STPG2: variants seen among roughly 807,000 people sequenced by gnomAD.
STPG2 encodes sperm-tail PG-rich repeat-containing protein 2.
A neutral mutation model predicts 54.2 loss-of-function variants in STPG2; 56 were observed. That is an observed-to-expected ratio of 1.03 (90% CI 0.83 to 1.29). STPG2 has a LOEUF of 1.29. STPG2 is among the 50% of genes most tolerant of loss of function. The probability of loss-of-function intolerance (pLI) is 0.00; values close to 1 mark genes in which losing one functional copy is unlikely to be tolerated. For synonymous variants in STPG2, 200 were observed against 181.8 expected, an observed-to-expected ratio of 1.10 and a Z score of -0.81; for missense variants, 596 against 544.9, an observed-to-expected ratio of 1.09 and a Z score of -0.93.
chr4:97,561,460 CAT>C (rs1732240050), intron 10 of STPG2, among the ~76,000 whole-genome samples: 1 of 152,162 alleles, frequency 6.6e-6, no homozygotes, highest in Non-Finnish European at 1.5e-5. Flanking sequence ...AATTAGATCT[CAT>C]ATGACAATTT....
intron 9 of STPG2, among the ~76,000 whole-genome samples, chr4:97,748,185 C>T (rs552547904): frequency 4.0e-5 from 6 of 151,394 alleles, no homozygotes; most frequent in African/African-American, 1.4e-4. Context: ...ATTCTTATTG[C>T]GGAATCATGT....
At position 98,076,194 on chromosome 4, in the gene STPG2, A is replaced by C. The variant is rs372652872; in HGVS notation, c.612+29759T>G. Among the ~76,000 whole-genome samples, 896 of 152,188 alleles carry C rather than the reference A, an allele frequency of 5.9e-3. 6 individuals carry two copies. The highest frequency in any genetic ancestry group is 0.02 in the Middle Eastern group (6 of 294). ...GGGAGGCGGAGCTTGCAATGAGCCA[A>C]GATCATGCCACTGCACTCCAGCCTG... On this transcript the variant is annotated intron_variant, in intron 5 of 10. Transcript: ENST00000295268.
chr4:98,040,555 C>CTAAGGA (rs1736918048), intron 5 of STPG2, among the ~76,000 whole-genome samples: 3 of 151,774 alleles, frequency 2.0e-5, no homozygotes. Context: ...ATTTTCCCGG[C>CTAAGGA]ACCATTTATT....
At position 97,712,760 on chromosome 4, in the gene STPG2, A is replaced by C. The variant is rs17026871; in HGVS notation, c.1259T>G (p.Val420Gly). ...CTCTTCAAAGCGCTTTGATGCTTTC[A>C]CAAATAAGGGTATGGGGCAAGATTT... ...LRKSCPIPLF[V>G]KASKRFEESK... Residue 420 changes from valine (V) to glycine (G), a missense_variant, in exon 10 of 11, where the codon GTG (valine) becomes GGG (glycine). Physicochemically the swap from Val to Gly is moderately radical, Grantham distance 109 (BLOSUM62 -3). Transcript: ENST00000295268. The C allele has an allele frequency of 6.2e-7, 1 of 1,609,260 alleles. No individual in the cohort carries two copies. Among genetic ancestry groups the C allele is most frequent in the African/African-American group, 1.3e-5 (1 of 74,726 alleles).
intron 5 of STPG2, among the ~76,000 whole-genome samples, chr4:98,084,021 TTTG>T (rs1738433205): frequency 1.3e-5 from 2 of 151,992 alleles, no homozygotes; most frequent in East Asian, 1.9e-4. Context: ...ACCCAGCTGT[TTTG>T]TTGTTGTTGT....
intron 9 of STPG2, among the ~76,000 whole-genome samples, chr4:97,785,389 G>A (rs1275364643): frequency 1.3e-5 from 2 of 151,960 alleles, no homozygotes; most frequent in Non-Finnish European, 2.9e-5. Context: ...CCTTTACAGT[G>A]TCGTACCACT....
chr4:97,945,977 G>C (rs1369865894), intron 7 of STPG2, among the ~76,000 whole-genome samples: 3 of 151,960 alleles, frequency 2.0e-5, no homozygotes, highest in Non-Finnish European at 2.9e-5. Flanking sequence ...GAGGATCCCT[G>C]GAGCCTGGGA....
rs561205550 is a variant in STPG2 at position 98,007,375 on chromosome 4, G to A, written c.613-26057C>T. On this transcript the variant is annotated intron_variant, in intron 5 of 10. Transcript: ENST00000295268. ...TCTACCTATAATCAAAAAATTCATA[G>A]ATTCTTCACCACCAAACATACCCAG... Among the ~76,000 whole-genome samples, 7 of 152,162 alleles carry A rather than the reference G, an allele frequency of 4.6e-5. No individual in the cohort carries two copies. The East Asian group carries it at 1.4e-3, about 29-fold the overall frequency.
At chr4:97,734,709 T>C (rs911981862) in intron 9 of STPG2, among the ~76,000 whole-genome samples, 3 of 152,304 alleles carry the variant, frequency 2.0e-5, no homozygotes, top group South Asian at 2.1e-4. Flanking sequence ...GCAATGATTT[T>C]TTTGGCTAGT....
intron 4 of STPG2, among the ~76,000 whole-genome samples, chr4:97,488,436 T>C (rs1730423952): frequency 6.6e-6 from 1 of 151,724 alleles, no homozygotes; most frequent in Non-Finnish European, 1.5e-5. Flanking sequence ...TTTATTTACA[T>C]GCAATCTGTC....
chr4:97,576,893 T>C (rs1732737377), intron 10 of STPG2, among the ~76,000 whole-genome samples: 1 of 151,878 alleles, frequency 6.6e-6, no homozygotes. Flanking sequence ...ACTTAAACAA[T>C]TGAACAAGTA....
Position 97,962,360 on chromosome 4 carries a change from T to TA in STPG2, c.933+9919dup, listed in dbSNP as rs551598432. 1.3e-3 allele frequency among the ~76,000 whole-genome samples: 194 copies of TA among 151,608 alleles called. 3 individuals are homozygous for TA. The highest frequency in any genetic ancestry group is 4.1e-3 in the Admixed American group (62 of 15,222). ...TAGTCCCCAATAGCCTGTGGAAATT[T>TA]AAAAAAAAATTAAGTGGCAAAACAA... On this transcript the variant is annotated intron_variant, in intron 7 of 10. Transcript: ENST00000295268.
chr4:97,451,787 T>C (rs568613710), intron 4 of STPG2, among the ~76,000 whole-genome samples: 2 of 152,322 alleles, frequency 1.3e-5, no homozygotes, highest in South Asian at 4.1e-4. Flanking sequence ...TGTTTTTCTC[T>C]ATTACTGCCA....
intron 7 of STPG2, among the ~76,000 whole-genome samples, chr4:97,945,898 A>T (rs1268869715): frequency 6.6e-6 from 1 of 152,066 alleles, no homozygotes. Flanking sequence ...ATCTCTACAA[A>T]AAACACAAAA....
intron 1 of STPG2, among the ~76,000 whole-genome samples, chr4:98,135,021 T>C (rs4699603): frequency 0.4 from 59,924 of 151,548 alleles, 12,093 homozygotes; most frequent in Middle Eastern, 0.46. Flanking sequence ...AACAAGTAAT[T>C]ATAAGATTAT....
chr4:97,997,982 G>A (rs1735296447), intron 5 of STPG2, among the ~76,000 whole-genome samples: 1 of 152,066 alleles, frequency 6.6e-6, no homozygotes, highest in African/African-American at 2.4e-5. Flanking sequence ...TTAAAGAACG[G>A]AGTGCGAAAA....
intron 4 of STPG2, among the ~76,000 whole-genome samples, chr4:97,502,480 G>A (rs537203685): frequency 1.3e-5 from 2 of 151,986 alleles, no homozygotes; most frequent in South Asian, 4.1e-4. Context: ...GACTATAAAG[G>A]CAAATGGCTA....
chr4:97,456,361 T>A (rs1005929702), intron 4 of STPG2, among the ~76,000 whole-genome samples: 2 of 151,784 alleles, frequency 1.3e-5, no homozygotes, highest in African/African-American at 4.8e-5. Context: ...GAAAGTGCCA[T>A]GCACTTTTGA....
chr4:97,776,680 C>A lies in STPG2; in HGVS notation c.1205-63866G>T, dbSNP rs1416072290. On this transcript the variant is annotated intron_variant, in intron 9 of 10. Coordinates refer to ENST00000295268, the MANE Select transcript of STPG2 (RefSeq NM_174952.3). ...GTGAAATTTTAATAGGAAATGTGGACAGAAGGACATTGCCTATAGGAAAGA... is the reference window on the plus strand; with the variant it reads ...GTGAAATTTTAATAGGAAATGTGGAAAGAAGGACATTGCCTATAGGAAAGA... Among the ~76,000 whole-genome samples, 3 of 152,048 alleles carry A rather than the reference C, an allele frequency of 2.0e-5. No individual in the cohort carries two copies. The South Asian group carries it at 6.2e-4, about 32-fold the overall frequency.
Sources: allele counts gnomAD v4.1 joint callset (sites outside exome capture counted in the v4.1 genomes callset), GRCh38; gene constraint gnomAD v4.1.1; transcripts MANE v1.5; gene names NCBI Gene and HGNC (gene_info 2026-07-23, HGNC 2026-07-21).